PCDHA4: variants seen among roughly 807,000 people sequenced by gnomAD.
The protein encoded by PCDHA4 is protocadherin alpha-4.
PCDHA4 carries 49 observed loss-of-function variants against 61.4 expected under a neutral mutation model. The observed-to-expected ratio is 0.80, with a 90% CI of 0.63 to 1.01. PCDHA4 has a LOEUF of 1.01. PCDHA4 is among the 50% of genes least tolerant of loss of function. The pLI, the probability that PCDHA4 is intolerant of heterozygous loss-of-function variation, is 0.00. For synonymous variants in PCDHA4, 590 were observed against 550.3 expected, an observed-to-expected ratio of 1.07 and a Z score of -1.01; for missense variants, 1,254 against 1,235.8, an observed-to-expected ratio of 1.01 and a Z score of -0.22.
rs1419215366 is a variant in PCDHA4, at chr5:141,010,888, T to G, written c.*951T>G. 2 of 153,748 alleles carry G rather than the reference T, an allele frequency of 1.3e-5. No homozygotes were observed. The highest frequency in any genetic ancestry group is 2.9e-5 in the Non-Finnish European group (2 of 68,032). The allele number at this position is 153,748 out of a possible 1,614,324, so 9.5% of individuals were successfully genotyped here. On this transcript the variant is annotated 3_prime_UTR_variant, in exon 4 of 4. Coordinates refer to ENST00000530339, the MANE Select transcript of PCDHA4 (RefSeq NM_018907.4). Reference sequence around the variant, plus strand: ...AGCTATAAATCTTTAAAGAGAAATATGAATACAATTCCCCTAAACTCTCCT... The same window carrying G: ...AGCTATAAATCTTTAAAGAGAAATAGGAATACAATTCCCCTAAACTCTCCT...
chr5:140,876,948 C>T, intron 1 of PCDHA4: 2 of 1,613,572 alleles, frequency 1.2e-6, no homozygotes, highest in Non-Finnish European at 1.7e-6. Context: ...TGGTGTCCTA[C>T]TCGCTGGTGG....
Position 140,968,423 on chromosome 5 carries a change from G to A in PCDHA4, c.2386-10526G>A, listed in dbSNP as rs782235507. The A allele has an allele frequency of 1.9e-6, 3 of 1,614,028 alleles. No homozygotes were observed. The South Asian group carries it at 3.3e-5, about 18-fold the overall frequency. On this transcript the variant is annotated intron_variant, in intron 1 of 3. Transcript: ENST00000530339. ...GTTCTTTGTGACTGTGGAGGCTCAG[G>A]ACAAGGGGAGCCCACCACTGAGCAG...
At chr5:140,917,329 G>GGGGGGGGGGGGT (rs1563018868) in intron 1 of PCDHA4, among the ~76,000 whole-genome samples, 1 of 143,928 alleles carries the variant, frequency 6.9e-6, no homozygotes, top group Non-Finnish European at 1.5e-5. Context: ...TGTGGCGGGG[G>GGGGGGGGGGGGT]AGGGGGGGGA....
intron 1 of PCDHA4, chr5:140,877,356 T>G (rs1227079705): frequency 9.9e-6 from 16 of 1,613,866 alleles, no homozygotes; most frequent in Non-Finnish European, 1.4e-5. Flanking sequence ...GGCTGTACAC[T>G]GGCGAGATCA....
rs150463901 is a variant in PCDHA4, at chr5:140,882,560, C to A, written c.2385+72988C>A. 1.3e-3 allele frequency: 2,163 copies of A among 1,614,168 alleles called. 36 individuals carry two copies. Among genetic ancestry groups the A allele is most frequent in the Admixed American group, 1.6e-3 (95 of 60,010 alleles). ...GATCGACCGCGAGGAGCTGTGTGGG[C>A]GGAGCGCGGAGTGCAGCATCCACCT... On this transcript the variant is annotated intron_variant, in intron 1 of 3. Coordinates refer to ENST00000530339, the MANE Select transcript of PCDHA4 (RefSeq NM_018907.4).
At chr5:140,994,325 A>G (rs879964488) in intron 3 of PCDHA4, among the ~76,000 whole-genome samples, 8 of 152,190 alleles carry the variant, frequency 5.3e-5, no homozygotes, top group African/African-American at 7.2e-5. Flanking sequence ...ACTCTCAGCA[A>G]CCATGAACAG....
Position 140,808,771 on chromosome 5 carries a change from A to T in PCDHA4, c.1584A>T (p.Leu528=). 1 of 1,612,410 alleles carries T rather than the reference A, an allele frequency of 6.2e-7. No homozygotes were observed. Among genetic ancestry groups the T allele is most frequent in the Non-Finnish European group, 8.5e-7 (1 of 1,179,818 alleles). The change falls in exon 1 of 4, where the codon CTA becomes CTT. Residue 528 remains leucine, a synonymous_variant. Coordinates refer to ENST00000530339, the MANE Select transcript of PCDHA4 (RefSeq NM_018907.4). ...YALQPLDHEE[L]ELLQFQVTAR... is the part of the protein sequence containing the mutation. The stretch of plus-strand genomic sequence containing the variant: ...TGCAGCCGCTGGACCACGAGGAGCT[A>T]GAGCTGCTGCAGTTTCAGGTGACCG...
chr5:140,884,125 C>T (rs1554181246), intron 1 of PCDHA4: 1 of 1,613,416 alleles, frequency 6.2e-7, no homozygotes, highest in Admixed American at 1.7e-5. Context: ...TCGGCGCGCG[C>T]ATCCCGTTCC....
intron 1 of PCDHA4, among the ~76,000 whole-genome samples, chr5:140,905,145 T>C (rs1264141592): frequency 1.3e-5 from 2 of 152,252 alleles, no homozygotes; most frequent in African/African-American, 4.8e-5. Context: ...TCTGCTGTTA[T>C]ATTTTAGAAT....
At chr5:140,878,358 A>G (rs2057559820) in intron 1 of PCDHA4, among the ~76,000 whole-genome samples, 1 of 152,254 alleles carries the variant, frequency 6.6e-6, no homozygotes, top group Non-Finnish European at 1.5e-5. Context: ...TATAAATGAT[A>G]TGTCTGACAT....
chr5:140,818,170 C>T (rs1554127409), intron 1 of PCDHA4, among the ~76,000 whole-genome samples: 1 of 152,176 alleles, frequency 6.6e-6, no homozygotes, highest in African/African-American at 2.4e-5. Flanking sequence ...CATATTTTCT[C>T]TTATATTCTT....
chr5:140,912,359 G>A (rs1483575347), intron 1 of PCDHA4, among the ~76,000 whole-genome samples: 1 of 131,950 alleles, frequency 7.6e-6, no homozygotes, highest in Non-Finnish European at 1.6e-5. Context: ...TTTTTTTTTT[G>A]CAGCTGTTGT....
intron 1 of PCDHA4, among the ~76,000 whole-genome samples, chr5:140,846,986 C>A (rs1780801174): frequency 6.7e-6 from 1 of 149,066 alleles, no homozygotes; most frequent in South Asian, 2.1e-4. Flanking sequence ...AGTAAGTTCC[C>A]CCCGGGAGAA....
At chr5:140,889,113 G>C (rs1256051132) in intron 1 of PCDHA4, among the ~76,000 whole-genome samples, 1 of 151,370 alleles carries the variant, frequency 6.6e-6, no homozygotes, top group East Asian at 1.9e-4. Context: ...TTTATTCCAG[G>C]TGATACTGAT....
chr5:140,883,306 C>G, intron 1 of PCDHA4: 1 of 1,614,050 alleles, frequency 6.2e-7, no homozygotes, highest in Non-Finnish European at 8.5e-7. Flanking sequence ...TAAATGATAA[C>G]GCCCCAGAGG....
intron 1 of PCDHA4, among the ~76,000 whole-genome samples, chr5:140,952,530 A>C (rs246033): frequency 0.56 from 85,631 of 151,920 alleles, 24,768 homozygotes; most frequent in African/African-American, 0.69. Flanking sequence ...ACCTCCTCAG[A>C]CTGGACTTCT....
Position 140,808,474 on chromosome 5 carries a change from C to T in PCDHA4, c.1287C>T (p.Asp429=). Residue 429 remains aspartate (D), a synonymous_variant, in exon 1 of 4, where the codon GAC becomes GAT. Transcript: ENST00000530339. The part of the protein sequence containing the change: ...SAYELVVTAR[D]GGSPSLWATA... The stretch of plus-strand genomic sequence containing the variant: ...ATGAGCTGGTGGTGACCGCGCGAGA[C>T]GGGGGCTCGCCTTCGCTGTGGGCCA... 6.2e-7 allele frequency: 1 copy of T among 1,614,152 alleles called. No homozygotes were observed.
At chr5:140,883,682 T>G (rs2059750474) in intron 1 of PCDHA4, 1 of 1,613,604 alleles carries the variant, frequency 6.2e-7, no homozygotes. Context: ...TCCGCCGGGC[T>G]GCCACATCTT....
intron 1 of PCDHA4, among the ~76,000 whole-genome samples, chr5:140,855,644 T>G (rs1324111294): frequency 6.7e-6 from 1 of 149,848 alleles, no homozygotes; most frequent in Non-Finnish European, 1.5e-5. Context: ...TTGATAATCA[T>G]GTGGTTAGGG....
Sources: gnomAD v4.1 joint callset for allele counts (sites outside exome capture counted in the v4.1 genomes callset) on GRCh38, gnomAD v4.1.1 for gene constraint, MANE v1.5 for transcripts, NCBI Gene and HGNC (gene_info 2026-07-23, HGNC 2026-07-21) for gene names.